PTPRT: variants seen among roughly 807,000 people sequenced by gnomAD.
The protein encoded by PTPRT is protein tyrosine phosphatase receptor type T.
In PTPRT, 56 loss-of-function variants were observed where a neutral mutation model predicts 176.8. The observed-to-expected ratio is 0.32, with a 90% CI of 0.26 to 0.40. The LOEUF is 0.40. Ranked by LOEUF, PTPRT falls within the 10% of genes least tolerant of loss-of-function variation. The pLI, the probability that PTPRT is intolerant of heterozygous loss-of-function variation, is 1.00. For missense variants in PTPRT, 1,540 were observed against 1,908.2 expected, an observed-to-expected ratio of 0.81 and a Z score of 3.60; for synonymous variants, 783 against 739.0, an observed-to-expected ratio of 1.06 and a Z score of -0.96.
intron 7 of PTPRT, among the ~76,000 whole-genome samples, chr20:42,533,664 A>G (rs1424475268): frequency 6.6e-6 from 1 of 152,222 alleles, no homozygotes; most frequent in East Asian, 1.9e-4. Context: ...GGATGATTAC[A>G]ATAGTACCTA....
At chr20:42,658,600 C>T (rs1307439971) in intron 7 of PTPRT, among the ~76,000 whole-genome samples, 1 of 152,172 alleles carries the variant, frequency 6.6e-6, no homozygotes, top group East Asian at 1.9e-4. Flanking sequence ...TTCACTGTTC[C>T]GTGCAGGTCT....
intron 2 of PTPRT, among the ~76,000 whole-genome samples, chr20:42,861,223 G>T (rs1291678832): frequency 6.6e-6 from 1 of 152,142 alleles, no homozygotes; most frequent in Non-Finnish European, 1.5e-5. Flanking sequence ...ACCCAGGGTG[G>T]TAATGGCTTC....
In PTPRT at chr20:42,350,225, T is replaced by TGTTTTG. The variant is rs11086831; in HGVS notation, c.1865+402_1865+403insCAAAAC. 2.1e-4 allele frequency among the ~76,000 whole-genome samples: 14 copies of TGTTTTG among 66,214 alleles called. No individual in the cohort carries two copies. In the East Asian group the frequency reaches 7.8e-3, roughly 37 times the overall value. The allele number at this position is 66,214 out of a possible 152,430, so 43.4% of individuals were successfully genotyped here. On this transcript the variant is annotated intron_variant, in intron 11 of 30. Transcript: ENST00000373187. ...TTAGGATGTTTCTTGTTTTTTTTTT[T>TGTTTTG]TTTTTTTTTTTTTTTTTTTTTGAGA... is the stretch of plus-strand genomic sequence containing the variant.
At chr20:42,920,628 G>C (rs1353368243) in intron 1 of PTPRT, among the ~76,000 whole-genome samples, 1 of 151,954 alleles carries the variant, frequency 6.6e-6, no homozygotes, top group Non-Finnish European at 1.5e-5. Context: ...AAAAAGATTA[G>C]AACACTTTAT....
chr20:42,516,435 C>A (rs2072068655), intron 7 of PTPRT, among the ~76,000 whole-genome samples: 1 of 152,040 alleles, frequency 6.6e-6, no homozygotes, highest in Admixed American at 6.5e-5. Flanking sequence ...ACTAGCTTTT[C>A]CCCCTTGTTT....
intron 7 of PTPRT, among the ~76,000 whole-genome samples, chr20:42,524,008 T>C (rs2072224584): frequency 6.6e-6 from 1 of 151,682 alleles, no homozygotes; most frequent in Non-Finnish European, 1.5e-5. Context: ...AAAAAAAAAA[T>C]TGCACACATC....
chr20:42,703,684 T>C (rs1221059513), intron 6 of PTPRT, among the ~76,000 whole-genome samples: 1 of 152,168 alleles, frequency 6.6e-6, no homozygotes, highest in Non-Finnish European at 1.5e-5. Flanking sequence ...GAAAAGCTTA[T>C]CTCAAAGAGG....
intron 1 of PTPRT, among the ~76,000 whole-genome samples, chr20:43,013,265 C>T (rs74321020): frequency 0.036 from 5,427 of 152,064 alleles, 323 homozygotes; most frequent in African/African-American, 0.12. Flanking sequence ...AGTGTGGATT[C>T]GCCTAAATGA....
intron 7 of PTPRT, among the ~76,000 whole-genome samples, chr20:42,515,285 C>T (rs550140050): frequency 7.2e-5 from 11 of 152,278 alleles, no homozygotes; most frequent in Admixed American, 5.2e-4. Flanking sequence ...GAGTTTGAGA[C>T]CAGCCTGGCC....
At chr20:43,108,935 C>T (rs2425605) in intron 1 of PTPRT, among the ~76,000 whole-genome samples, 45,000 of 151,876 alleles carry the variant, frequency 0.3, 6,815 homozygotes, top group Non-Finnish European at 0.32. Context: ...ATGCATTCAC[C>T]CAATGCATTG....
chr20:42,571,340 G>C (rs955367960), intron 7 of PTPRT, among the ~76,000 whole-genome samples: 1 of 152,164 alleles, frequency 6.6e-6, no homozygotes, highest in Non-Finnish European at 1.5e-5. Context: ...TGCATTGCTC[G>C]AGGAAGAGGC....
chr20:42,605,950 G>A (rs2073868890), intron 7 of PTPRT, among the ~76,000 whole-genome samples: 1 of 152,202 alleles, frequency 6.6e-6, no homozygotes, highest in African/African-American at 2.4e-5. Context: ...GAGCCTGATG[G>A]AGGCATGGTC....
intron 6 of PTPRT, among the ~76,000 whole-genome samples, chr20:42,723,341 G>C (rs1255543842): frequency 6.6e-6 from 1 of 152,102 alleles, no homozygotes; most frequent in Admixed American, 6.5e-5. Flanking sequence ...GCCCAGCTCG[G>C]AAGCAGCTGG....
intron 7 of PTPRT, among the ~76,000 whole-genome samples, chr20:42,664,988 C>T (rs536108925): frequency 1.7e-4 from 26 of 152,250 alleles, no homozygotes; most frequent in African/African-American, 5.3e-4. Context: ...TCTAAAACCA[C>T]AAAAACCCTA....
rs2145549636 is a variant in PTPRT at position 42,791,385 on chromosome 20, T to A, written c.296A>T (p.Asp99Val). 1 of 1,614,204 alleles carries A rather than the reference T, an allele frequency of 6.2e-7. No individual in the cohort carries two copies. The highest frequency in any genetic ancestry group is 8.5e-7 in the Non-Finnish European group (1 of 1,180,020). ...GTAATGGAAGTCGATGCAGTGGGTG[T>A]CATTCTCCTTCAGGGTTGGCAGGAG... ...HLLLPTLKEN[D>V]THCIDFHYYF... Residue 99 changes from aspartate to valine, a missense_variant, in exon 3 of 31, where the codon GAC (aspartate) becomes GTC (valine). By Grantham distance (152) the Asp-to-Val change is radical. Transcript: ENST00000373187.
At chr20:42,430,641 G>A (rs973171952) in intron 9 of PTPRT, among the ~76,000 whole-genome samples, 9 of 152,150 alleles carry the variant, frequency 5.9e-5, no homozygotes, top group African/African-American at 2.2e-4. Flanking sequence ...GTTCCCATGG[G>A]GCTTCCAGGA....
At chr20:42,537,378 A>G (rs142343722) in intron 7 of PTPRT, among the ~76,000 whole-genome samples, 7 of 152,278 alleles carry the variant, frequency 4.6e-5, no homozygotes, top group African/African-American at 1.7e-4. Context: ...ATGCAGTTAT[A>G]ATCTGTCAGG....
chr20:42,050,804 T>A, the PTPRT span, among the ~76,000 whole-genome samples: 1 of 152,182 alleles, frequency 6.6e-6, no homozygotes, highest in Non-Finnish European at 1.5e-5. Flanking sequence ...GGGGAGCAGC[T>A]GAGGCTGCTG....
rs568924460 is a variant in PTPRT, at chr20:42,481,922, T to TCCCTAA, written c.1154-9361_1154-9360insTTAGGG. Among the ~76,000 whole-genome samples the TCCCTAA allele has an allele frequency of 7.8e-3, 1,188 of 152,254 alleles. 11 individuals carry two copies. The highest frequency in any genetic ancestry group is 0.014 in the Middle Eastern group (4 of 294). On this transcript the variant is annotated intron_variant, in intron 7 of 30. Coordinates refer to ENST00000373187, the MANE Select transcript of PTPRT (RefSeq NM_007050.6). ...TTCTTGACTGCAACACTAGTGTACT[T>TCCCTAA]ATGGTGTGTTCTTGATTGTAAGGCT...
Sources: gnomAD v4.1 joint callset for allele counts (sites outside exome capture counted in the v4.1 genomes callset) on GRCh38, gnomAD v4.1.1 for gene constraint, MANE v1.5 for transcripts, NCBI Gene and HGNC (gene_info 2026-07-23, HGNC 2026-07-21) for gene names.